Variants in COQ8A observed in about 807,000 individuals in gnomAD.
COQ8A encodes atypical kinase COQ8A, mitochondrial.
In COQ8A, 51 loss-of-function variants were observed where a neutral mutation model predicts 65.0. The observed-to-expected ratio is 0.78, with a 90% CI of 0.63 to 0.99. The LOEUF is 0.99. COQ8A is among the 50% of genes least tolerant of loss of function. The pLI, the probability that COQ8A is intolerant of heterozygous loss-of-function variation, is 0.00. For missense variants in COQ8A, 940 were observed against 875.0 expected, an observed-to-expected ratio of 1.07 and a Z score of -0.94; for synonymous variants, 371 against 353.2, an observed-to-expected ratio of 1.05 and a Z score of -0.57.
chr1:226,951,103 CTA>C (rs1333273522), intron 1 of COQ8A, among the ~76,000 whole-genome samples: 4 of 152,320 alleles, frequency 2.6e-5, no homozygotes, highest in African/African-American at 4.8e-5. Flanking sequence ...AGAAGGGACT[CTA>C]TGTGGGGCAT....
At chr1:226,986,420 T>C (rs1558211290) in intron 14 of COQ8A, 33 bp from the exon 15 acceptor site, 1 of 1,607,758 alleles carries the variant, frequency 6.2e-7, no homozygotes, top group Non-Finnish European at 8.5e-7. Flanking sequence ...CTCTGGTGTC[T>C]CGCCGCCATT....
At chr1:226,956,723 G>C (rs1233182361) in intron 1 of COQ8A, among the ~76,000 whole-genome samples, 37 of 57,452 alleles carry the variant, frequency 6.4e-4, no homozygotes, top group East Asian at 1.9e-3. Flanking sequence ...CTCCCTGGCT[G>C]CCACTCCCTG....
chr1:226,964,405 A>G (rs1460585523), intron 2 of COQ8A, among the ~76,000 whole-genome samples: 4 of 152,176 alleles, frequency 2.6e-5, no homozygotes, highest in Non-Finnish European at 5.9e-5. Flanking sequence ...CAAAGAAAAC[A>G]TGGCGTATCC....
At chr1:226,944,378 G>C (rs531285882) in intron 1 of COQ8A, among the ~76,000 whole-genome samples, 16 of 152,146 alleles carry the variant, frequency 1.1e-4, no homozygotes, top group Admixed American at 7.2e-4. Context: ...GTACAGGAGA[G>C]CAGAGAGTGG....
intron 4 of COQ8A, among the ~76,000 whole-genome samples, chr1:226,974,665 C>T (rs376622094): frequency 3.3e-5 from 5 of 152,216 alleles, no homozygotes; most frequent in East Asian, 3.9e-4. Flanking sequence ...TGCAGGAGCT[C>T]GTGAGGCCAA....
At chr1:226,977,743 A>G (rs1393538828) in intron 5 of COQ8A, among the ~76,000 whole-genome samples, 1 of 152,030 alleles carries the variant, frequency 6.6e-6, no homozygotes, top group Non-Finnish European at 1.5e-5. Flanking sequence ...CTCCCAGCCC[A>G]AAGTGGCCAC....
At chr1:226,963,563 TC>T (rs1658381835) in intron 2 of COQ8A, among the ~76,000 whole-genome samples, 1 of 152,208 alleles carries the variant, frequency 6.6e-6, no homozygotes, top group African/African-American at 2.4e-5. Flanking sequence ...TGTCAAGCCT[TC>T]CCTGGGGGCT....
chr1:226,961,254 G>C, intron 1 of COQ8A, 123 bp from the exon 2 acceptor site: 2 of 1,017,366 alleles, frequency 2.0e-6, no homozygotes, highest in East Asian at 4.8e-5. Context: ...CTTAGCAGAA[G>C]GGGAGATCAG....
intron 1 of COQ8A, among the ~76,000 whole-genome samples, chr1:226,950,373 T>C (rs1657302907): frequency 6.6e-6 from 1 of 152,234 alleles, no homozygotes; most frequent in African/African-American, 2.4e-5. Context: ...AATGGAGGTT[T>C]GCAGCCTGGG....
intron 5 of COQ8A, among the ~76,000 whole-genome samples, chr1:226,981,195 C>T (rs921498622): frequency 2.6e-5 from 4 of 152,230 alleles, no homozygotes; most frequent in African/African-American, 9.7e-5. Context: ...CTGCTCAGGC[C>T]TCTGTCTGCC....
intron 1 of COQ8A, among the ~76,000 whole-genome samples, chr1:226,952,452 G>A (rs1657441949): frequency 6.6e-6 from 1 of 152,008 alleles, no homozygotes; most frequent in African/African-American, 2.4e-5. Flanking sequence ...TTCTTGCTCT[G>A]TTACCCAGGC....
Position 226,986,554 on chromosome 1 carries a change from C to T in COQ8A, c.1761C>T (p.Ile587=), listed in dbSNP as rs964373615. ...DFGTQSTTEK[I]HNLIPVMLRH... ...GCACTCAGAGCACCACCGAGAAGAT[C>T]CACAACCTGATTCCCGTCATGCTGA... The change falls in exon 15 of 15, where the codon ATC becomes ATT. Residue 587 remains isoleucine (I), a synonymous_variant. Coordinates refer to ENST00000366777, the MANE Select transcript of COQ8A (RefSeq NM_020247.5). 6.2e-7 allele frequency: 1 copy of T among 1,613,972 alleles called. No individual in the cohort carries two copies. The highest frequency in any genetic ancestry group is 1.3e-5 in the African/African-American group (1 of 74,896).
At chr1:226,951,169 C>T (rs1036487204) in intron 1 of COQ8A, among the ~76,000 whole-genome samples, 6 of 152,302 alleles carry the variant, frequency 3.9e-5, no homozygotes, top group South Asian at 2.1e-4. Flanking sequence ...CCCCTGACCA[C>T]CCCCTGACCC....
At chr1:226,970,566 G>A (rs942699571) in intron 4 of COQ8A, among the ~76,000 whole-genome samples, 4 of 152,200 alleles carry the variant, frequency 2.6e-5, no homozygotes, top group Admixed American at 2.0e-4. Flanking sequence ...ATGCGTGACC[G>A]TGCATGTTCT....
intron 1 of COQ8A, among the ~76,000 whole-genome samples, chr1:226,948,478 G>A (rs1265068409): frequency 6.6e-6 from 1 of 152,192 alleles, no homozygotes; most frequent in Non-Finnish European, 1.5e-5. Context: ...TGTGGTATGG[G>A]TATCTTTGAG....
At chr1:226,975,955 G>A (rs1261143312) in intron 4 of COQ8A, among the ~76,000 whole-genome samples, 13 of 152,140 alleles carry the variant, frequency 8.5e-5, no homozygotes, top group Non-Finnish European at 1.5e-4. Flanking sequence ...AGAGAATTTG[G>A]AAACATGCAA....
intron 1 of COQ8A, among the ~76,000 whole-genome samples, chr1:226,944,750 T>TGA (rs1395125342): frequency 8.1e-5 from 2 of 24,632 alleles, no homozygotes; most frequent in Non-Finnish European, 1.8e-4. Context: ...AGAGAGAGAG[T>TGA]GAGAGAGAGA....
At chr1:226,980,505 C>T (rs1028978717) in intron 5 of COQ8A, among the ~76,000 whole-genome samples, 1 of 152,210 alleles carries the variant, frequency 6.6e-6, no homozygotes, top group African/African-American at 2.4e-5. Context: ...AGGCCCAAGC[C>T]CCCAGCCCAC....
chr1:226,969,123 G>A (rs939259988), intron 4 of COQ8A, among the ~76,000 whole-genome samples: 1 of 152,132 alleles, frequency 6.6e-6, no homozygotes, highest in African/African-American at 2.4e-5. Flanking sequence ...CGTCTATCTA[G>A]TCTGGTTTAT....
Sources: gnomAD v4.1 joint callset for allele counts (sites outside exome capture counted in the v4.1 genomes callset) on GRCh38, gnomAD v4.1.1 for gene constraint, MANE v1.5 for transcripts, NCBI Gene and HGNC (gene_info 2026-07-23, HGNC 2026-07-21) for gene names.